Variants in KLHL32 observed in about 807,000 individuals in gnomAD.
KLHL32 encodes kelch-like protein 32.
In KLHL32, 35 loss-of-function variants were observed where a neutral mutation model predicts 64.8. That is an observed-to-expected ratio of 0.54 (90% CI 0.41 to 0.72). The LOEUF is 0.72. Ranked by LOEUF, KLHL32 falls within the 30% of genes least tolerant of loss-of-function variation. The probability of loss-of-function intolerance (pLI) is 0.00; values close to 1 mark genes in which losing one functional copy is unlikely to be tolerated. For synonymous variants in KLHL32, 259 were observed against 281.0 expected (o/e 0.92, Z 0.78); for missense variants, 589 against 768.5 (o/e 0.77, Z 2.76).
intron 6 of KLHL32, among the ~76,000 whole-genome samples, chr6:97,105,236 G>A (rs1356097185): frequency 2.6e-5 from 4 of 152,164 alleles, no homozygotes; most frequent in African/African-American, 4.8e-5. Flanking sequence ...ACACAAATTA[G>A]AAGATAAAGA....
At chr6:97,087,304 T>C (rs928120180) in intron 6 of KLHL32, among the ~76,000 whole-genome samples, 4 of 152,196 alleles carry the variant, frequency 2.6e-5, no homozygotes, top group Non-Finnish European at 5.9e-5. Flanking sequence ...TATAGTTAAG[T>C]TCATCATTTT....
At chr6:96,996,108 G>T (rs1170063314) in intron 3 of KLHL32, among the ~76,000 whole-genome samples, 1 of 152,246 alleles carries the variant, frequency 6.6e-6, no homozygotes, top group Non-Finnish European at 1.5e-5. Context: ...AGCGTGGGCA[G>T]CCCTGGGCTG....
chr6:97,062,867 C>G (rs1009794519), intron 4 of KLHL32, among the ~76,000 whole-genome samples: 2 of 152,108 alleles, frequency 1.3e-5, no homozygotes, highest in Admixed American at 1.3e-4. Flanking sequence ...GATGGCTGTT[C>G]AGGGGTGGGT....
intron 3 of KLHL32, among the ~76,000 whole-genome samples, chr6:96,996,915 A>G (rs1318607400): frequency 6.6e-6 from 1 of 152,148 alleles, no homozygotes; most frequent in African/African-American, 2.4e-5. Flanking sequence ...TGGTTAAGTA[A>G]GAGCTGATGA....
At chr6:96,956,982 G>A (rs1301103103) in intron 1 of KLHL32, among the ~76,000 whole-genome samples, 1 of 152,164 alleles carries the variant, frequency 6.6e-6, no homozygotes, top group African/African-American at 2.4e-5. Flanking sequence ...TCTCTCAATA[G>A]AAGAAAATGC....
At chr6:97,117,139 G>T (rs889339854) in intron 7 of KLHL32, among the ~76,000 whole-genome samples, 6 of 152,200 alleles carry the variant, frequency 3.9e-5, no homozygotes, top group African/African-American at 1.2e-4. Context: ...GGGGTGACTA[G>T]ATTTGCTAAT....
chr6:96,969,772 G>A (rs1774911065), intron 2 of KLHL32, among the ~76,000 whole-genome samples: 1 of 152,152 alleles, frequency 6.6e-6, no homozygotes, highest in South Asian at 2.1e-4. Flanking sequence ...ATACAGCTGT[G>A]TTGTCACCTT....
intron 2 of KLHL32, 105 bp from the exon 3 acceptor site, chr6:96,975,892 C>T: frequency 2.7e-6 from 2 of 751,098 alleles, no homozygotes; most frequent in Non-Finnish European, 2.0e-6. Flanking sequence ...TCATAGAGTG[C>T]ACTGGAACCC....
At chr6:97,028,039 A>C (rs1442934473) in intron 3 of KLHL32, among the ~76,000 whole-genome samples, 1 of 152,216 alleles carries the variant, frequency 6.6e-6, no homozygotes, top group Non-Finnish European at 1.5e-5. Context: ...ACAGCCTGTC[A>C]TGAAAAATAT....
At chr6:97,056,137 G>T (rs1191296398) in intron 4 of KLHL32, among the ~76,000 whole-genome samples, 6 of 117,836 alleles carry the variant, frequency 5.1e-5, no homozygotes, top group African/African-American at 1.7e-4. Flanking sequence ...ATGAAGTCTC[G>T]CTCTGTCACC....
rs1435152708 is a variant in KLHL32, at chr6:97,005,260, T to TG, written c.204+29084dup. Among the ~76,000 whole-genome samples the TG allele has an allele frequency of 2.6e-5, 4 of 152,306 alleles. No homozygotes were observed. The South Asian group carries it at 8.3e-4, about 32-fold the overall frequency. On this transcript the variant is annotated intron_variant, in intron 3 of 10. Coordinates refer to ENST00000369261, the MANE Select transcript of KLHL32 (RefSeq NM_052904.4). The stretch of plus-strand genomic sequence containing the variant: ...CATTTCCTCTAGGTTTTCTAGTTTT[T>TG]GTGCCTAGAGGTGTTCATAATAGTC...
intron 3 of KLHL32, among the ~76,000 whole-genome samples, chr6:97,036,851 G>A (rs1390333155): frequency 6.6e-6 from 1 of 152,216 alleles, no homozygotes; most frequent in Non-Finnish European, 1.5e-5. Flanking sequence ...CTGTCAGCTG[G>A]GATTTGTGTT....
chr6:97,049,785 G>A (rs1196356919), intron 4 of KLHL32, among the ~76,000 whole-genome samples: 3 of 152,138 alleles, frequency 2.0e-5, no homozygotes, highest in Non-Finnish European at 2.9e-5. Context: ...TTGCCTTGGG[G>A]TAGATTTTCT....
At chr6:97,037,799 G>T (rs1467360577) in intron 3 of KLHL32, among the ~76,000 whole-genome samples, 2 of 152,096 alleles carry the variant, frequency 1.3e-5, no homozygotes, top group African/African-American at 4.8e-5. Context: ...AACTAAATTA[G>T]CCTGGTACTG....
intron 3 of KLHL32, among the ~76,000 whole-genome samples, chr6:96,979,073 A>T (rs1249108150): frequency 6.6e-6 from 1 of 152,088 alleles, no homozygotes; most frequent in Non-Finnish European, 1.5e-5. Context: ...ATAGTTTGCA[A>T]AATATTTTCC....
intron 1 of KLHL32, among the ~76,000 whole-genome samples, chr6:96,957,474 G>T (rs1463018559): frequency 1.3e-5 from 2 of 152,076 alleles, no homozygotes; most frequent in Non-Finnish European, 1.5e-5. Context: ...AAACACTCAA[G>T]ATCTACATTG....
chr6:97,052,352 A>T (rs1240145236), intron 4 of KLHL32, among the ~76,000 whole-genome samples: 1 of 152,260 alleles, frequency 6.6e-6, no homozygotes, highest in Admixed American at 6.5e-5. Flanking sequence ...TTCCAAAATA[A>T]TGAACAACTC....
the KLHL32 span, among the ~76,000 whole-genome samples, chr6:96,910,764 A>G: frequency 6.6e-6 from 1 of 152,218 alleles, no homozygotes; most frequent in Non-Finnish European, 1.5e-5. Context: ...ATATGATTTT[A>G]ATCTGGATTA....
At chr6:97,085,879 T>C (rs1353700710) in intron 6 of KLHL32, among the ~76,000 whole-genome samples, 1 of 152,240 alleles carries the variant, frequency 6.6e-6, no homozygotes, top group Admixed American at 6.5e-5. Context: ...TCCTAAGCCC[T>C]GCCTTTTCGC....
Sources: allele counts gnomAD v4.1 joint callset (sites outside exome capture counted in the v4.1 genomes callset), GRCh38; gene constraint gnomAD v4.1.1; transcripts MANE v1.5; gene names NCBI Gene and HGNC (gene_info 2026-07-23, HGNC 2026-07-21).